Variants in HMGA2 observed in about 807,000 individuals in gnomAD.
HMGA2 encodes high mobility group AT-hook 2.
HMGA2 carries 8 observed loss-of-function variants against 19.1 expected under a neutral mutation model. The observed-to-expected ratio is 0.42, with a 90% CI of 0.25 to 0.76. HMGA2 has a LOEUF of 0.76. Ranked by LOEUF, HMGA2 falls within the 30% of genes least tolerant of loss-of-function variation. The pLI is 0.28. For synonymous variants in HMGA2, 60 were observed against 48.8 expected (o/e 1.23, Z -0.96); for missense variants, 109 against 136.3 (o/e 0.80, Z 1.00).
At chr12:65,828,131 G>T (rs1347985007) in intron 2 of HMGA2, 44 bp downstream of exon 2, 1 of 1,386,306 alleles carries the variant, frequency 7.2e-7, no homozygotes, top group African/African-American at 1.4e-5. Context: ...ATCAATGACT[G>T]ACTACAGGAG....
In HMGA2 at chr12:65,915,452, G is replaced by A. The variant is rs1183328600; in HGVS notation, c.250-35931G>A. The A allele has an allele frequency of 5.6e-6, 7 of 1,247,750 alleles. 1 individual carries two copies. Among genetic ancestry groups the A allele is most frequent in the Middle Eastern group, 6.6e-4 (2 of 3,038 alleles). The allele number at this position is 1,247,750 out of a possible 1,614,324, so 77.3% of individuals were successfully genotyped here. A position where few individuals can be genotyped will look rare whatever the true frequency, so the allele number is the denominator to read the frequency against. On this transcript the variant is annotated intron_variant, in intron 3 of 4. Coordinates refer to ENST00000403681, the MANE Select transcript of HMGA2 (RefSeq NM_003483.6). ...GCTGAACTCCAGTTACTCTCGTACA[G>A]GGATCCACCTTTTTGCAGAAATCAC... is the stretch of plus-strand genomic sequence containing the variant.
At chr12:65,850,544 C>CTT (rs931825789) in intron 3 of HMGA2, among the ~76,000 whole-genome samples, 2 of 149,678 alleles carry the variant, frequency 1.3e-5, no homozygotes, top group Non-Finnish European at 3.0e-5. Context: ...AAAAAAAAGA[C>CTT]TTTTCTGCTG....
intron 4 of HMGA2, chr12:65,952,047 A>T (rs1876477114): frequency 3.8e-6 from 1 of 265,462 alleles, no homozygotes. Flanking sequence ...TGTACATAGA[A>T]ACATTAAAAA....
At chr12:65,846,124 G>T (rs535017582) in intron 3 of HMGA2, among the ~76,000 whole-genome samples, 1 of 152,298 alleles carries the variant, frequency 6.6e-6, no homozygotes, top group South Asian at 2.1e-4. Context: ...CTGTCCTCAG[G>T]AATCACTGAA....
chr12:65,959,246 T>C (rs1876683700), intron 4 of HMGA2, among the ~76,000 whole-genome samples: 1 of 152,222 alleles, frequency 6.6e-6, no homozygotes. Flanking sequence ...ACATGCATCA[T>C]GTTGAACCAA....
intron 3 of HMGA2, among the ~76,000 whole-genome samples, chr12:65,865,370 G>A (rs1872341121): frequency 6.6e-6 from 1 of 152,224 alleles, no homozygotes; most frequent in South Asian, 2.1e-4. Context: ...GATTTCATGA[G>A]GGTGAACTTT....
At chr12:65,827,752 A>G (rs1429485249) in intron 1 of HMGA2, among the ~76,000 whole-genome samples, 2 of 152,292 alleles carry the variant, frequency 1.3e-5, no homozygotes, top group African/African-American at 2.4e-5. Context: ...CTTTGTTACC[A>G]TTTTAGGTTT....
At chr12:65,842,911 T>C in intron 3 of HMGA2, 2 of 1,200,110 alleles carry the variant, frequency 1.7e-6, no homozygotes, top group Non-Finnish European at 2.1e-6. Context: ...AATAAAGTTG[T>C]TAACCTCATG....
At chr12:65,833,497 G>A (rs1216250902) in intron 2 of HMGA2, among the ~76,000 whole-genome samples, 1 of 151,534 alleles carries the variant, frequency 6.6e-6, no homozygotes, top group East Asian at 1.9e-4. Context: ...AAAAAATGAT[G>A]AGAGAACTTG....
chr12:65,888,754 G>C (rs570428389), intron 3 of HMGA2, among the ~76,000 whole-genome samples: 26 of 151,142 alleles, frequency 1.7e-4, no homozygotes, highest in Non-Finnish European at 3.8e-4. Flanking sequence ...TAGTAGAGAC[G>C]GGGTTTCACC....
chr12:65,900,084 G>T (rs897458365), intron 3 of HMGA2, among the ~76,000 whole-genome samples: 2 of 152,112 alleles, frequency 1.3e-5, no homozygotes, highest in African/African-American at 4.8e-5. Flanking sequence ...AGATTATCTT[G>T]TATATGTAAT....
At chr12:65,898,508 T>C (rs544462770) in intron 3 of HMGA2, among the ~76,000 whole-genome samples, 1 of 152,308 alleles carries the variant, frequency 6.6e-6, no homozygotes, top group African/African-American at 2.4e-5. Flanking sequence ...GCATCTTTTT[T>C]TTTCCCAGTG....
intron 3 of HMGA2, among the ~76,000 whole-genome samples, chr12:65,863,519 T>C (rs1028245189): frequency 6.6e-6 from 1 of 152,256 alleles, no homozygotes; most frequent in African/African-American, 2.4e-5. Flanking sequence ...AGGAGTACAG[T>C]GTCCCTGGTG....
At chr12:65,949,596 T>C (rs2121309182) in intron 3 of HMGA2, among the ~76,000 whole-genome samples, 1 of 152,308 alleles carries the variant, frequency 6.6e-6, no homozygotes. Flanking sequence ...TTCAAATCCA[T>C]CTTTTATAAT....
chr12:65,950,190 G>A (rs568715943), intron 3 of HMGA2, among the ~76,000 whole-genome samples: 1 of 152,268 alleles, frequency 6.6e-6, no homozygotes, highest in South Asian at 2.1e-4. Context: ...ATATGAACCA[G>A]CGATTCCACT....
chr12:65,928,873 A>C lies in HMGA2; in HGVS notation c.250-22510A>C, dbSNP rs1875609334. ...TTATGTGGTGCATGGCTGTATTTATATCCGTATAAAGATTACACATATATA... is the reference window on the plus strand; with the variant it reads ...TTATGTGGTGCATGGCTGTATTTATCTCCGTATAAAGATTACACATATATA... On this transcript the variant is annotated intron_variant, in intron 3 of 4. Transcript: ENST00000403681. Among the ~76,000 whole-genome samples the C allele has an allele frequency of 2.0e-5, 3 of 152,204 alleles. No homozygotes were observed. In the South Asian group the frequency reaches 6.2e-4, roughly 31 times the overall value.
intron 3 of HMGA2, among the ~76,000 whole-genome samples, chr12:65,886,655 C>T (rs1033374506): frequency 5.3e-5 from 8 of 152,104 alleles, no homozygotes; most frequent in African/African-American, 1.9e-4. Context: ...CAACGCCCGG[C>T]GGGGAGCTTC....
chr12:65,883,889 C>T (rs1873547014), intron 3 of HMGA2, among the ~76,000 whole-genome samples: 1 of 152,182 alleles, frequency 6.6e-6, no homozygotes, highest in South Asian at 2.1e-4. Context: ...GTTTGAGACG[C>T]AGTCTCACTC....
chr12:65,936,916 T>C (rs1565737530), intron 3 of HMGA2, among the ~76,000 whole-genome samples: 1 of 152,148 alleles, frequency 6.6e-6, no homozygotes, highest in Non-Finnish European at 1.5e-5. Context: ...ATCTTGAACT[T>C]CCTTTCCCTG....
Sources: allele counts gnomAD v4.1 joint callset (sites outside exome capture counted in the v4.1 genomes callset), GRCh38; gene constraint gnomAD v4.1.1; transcripts MANE v1.5; gene names NCBI Gene and HGNC (gene_info 2026-07-23, HGNC 2026-07-21).